The following WDR44 variants were observed in gnomAD, a reference collection of about 807,000 sequenced individuals.
WDR44 encodes the protein WD repeat domain 44.
Under a neutral mutation model 65.7 loss-of-function variants are expected in WDR44, and 9 were observed. The observed-to-expected ratio is 0.14, with a 90% confidence interval of 0.08 to 0.24. The LOEUF (loss-of-function observed/expected upper bound fraction) is 0.24. WDR44 is among the 10% of genes least tolerant of loss of function. The pLI, the probability that WDR44 is intolerant of heterozygous loss-of-function variation, is 1.00. For missense variants in WDR44, 425 were observed against 670.9 expected, an observed-to-expected ratio of 0.63 and a Z score of 4.05; for synonymous variants, 220 against 235.2, an observed-to-expected ratio of 0.94 and a Z score of 0.59.
At chrX:118,439,838 G>T (rs2057288413) in intron 14 of WDR44, among the ~76,000 whole-genome samples, 2 of 109,184 alleles carry the variant, frequency 1.8e-5, no homozygotes, top group Non-Finnish European at 3.8e-5. Flanking sequence ...GAAGAATCTT[G>T]GCTGGGTATG....
intron 12 of WDR44, among the ~76,000 whole-genome samples, chrX:118,415,237 C>T (rs958133996): frequency 8.9e-6 from 1 of 111,820 alleles, no homozygotes; most frequent in African/African-American, 3.3e-5. Context: ...CCCACTTGAA[C>T]TGGGTGGATT....
intron 2 of WDR44, among the ~76,000 whole-genome samples, chrX:118,380,540 T>C (rs759335422): frequency 3.9e-4 from 44 of 111,935 alleles, no homozygotes; most frequent in African/African-American, 1.3e-3. Context: ...GTATCAATGG[T>C]TTGTTTCTTT....
intron 12 of WDR44, among the ~76,000 whole-genome samples, chrX:118,431,546 G>C (rs906939667): frequency 3.6e-5 from 4 of 111,297 alleles, no homozygotes; most frequent in Non-Finnish European, 7.5e-5. Flanking sequence ...CAGGTGATCT[G>C]CCTGTCTCGG....
intron 1 of WDR44, among the ~76,000 whole-genome samples, chrX:118,371,173 A>G (rs766098841): frequency 1.8e-5 from 2 of 111,996 alleles, no homozygotes; most frequent in African/African-American, 6.5e-5. Context: ...CCTAGAAGAC[A>G]TTATGTTAAG....
chrX:118,350,388 G>T lies in WDR44; in HGVS notation c.77+3808G>T, dbSNP rs187326787. The stretch of plus-strand genomic sequence containing the variant: ...TCTTTTGATAGAGCAGGAAAGAGAA[G>T]AGGAATCGTGTGGTACACTAGAAAA... On this transcript the variant is annotated intron_variant, in intron 1 of 19. Transcript: ENST00000254029. Among the ~76,000 whole-genome samples, 9 of 111,709 alleles carry T rather than the reference G, an allele frequency of 8.1e-5. No homozygotes were observed. In the East Asian group the frequency reaches 2.3e-3, roughly 28 times the overall value.
intron 19 of WDR44, among the ~76,000 whole-genome samples, chrX:118,445,647 G>A (rs968495141): frequency 8.9e-6 from 1 of 112,369 alleles, no homozygotes; most frequent in African/African-American, 3.2e-5. Flanking sequence ...TATGCTTTGA[G>A]AATGAATATT....
intron 1 of WDR44, among the ~76,000 whole-genome samples, chrX:118,351,229 G>C (rs1764181161): frequency 8.9e-6 from 1 of 112,189 alleles, no homozygotes; most frequent in Non-Finnish European, 1.9e-5. Flanking sequence ...TAGGCATTTA[G>C]TTAGTATTAA....
At position 118,406,276 on chromosome X, in the gene WDR44, T is replaced by C. The variant is rs971987091; in HGVS notation, c.1382-599T>C. ...CTGGGGAATAACTGTATTTTCAAAATTAGGTAGGGCTGGGTATGATGGCTC... is the reference window on the plus strand; with the variant it reads ...CTGGGGAATAACTGTATTTTCAAAACTAGGTAGGGCTGGGTATGATGGCTC... On this transcript the variant is annotated intron_variant, in intron 9 of 19. Coordinates refer to ENST00000254029, the MANE Select transcript of WDR44 (RefSeq NM_019045.5). Among the ~76,000 whole-genome samples, 14 of 111,244 alleles carry C rather than the reference T, an allele frequency of 1.3e-4. No individual in the cohort carries two copies. The Admixed American group carries it at 1.4e-3, about 11-fold the overall frequency.
intron 1 of WDR44, among the ~76,000 whole-genome samples, chrX:118,373,596 G>A (rs2056632828): frequency 9.0e-6 from 1 of 111,534 alleles, no homozygotes; most frequent in Admixed American, 9.6e-5. Flanking sequence ...AGCGTTAATT[G>A]CCTTTACTTT....
chrX:118,346,205 A>T lies in WDR44; in HGVS notation c.-299A>T, dbSNP rs772071683. On this transcript the variant is annotated 5_prime_UTR_variant, in exon 1 of 20. Transcript: ENST00000254029. ...GGCGCGCCCTTCTTCCCTTACTGCG[A>T]GGAGCCACCGCCTCTTTCGCGCTCC... is the stretch of plus-strand genomic sequence containing the variant. 7 of 308,465 alleles carry T rather than the reference A, an allele frequency of 2.3e-5. No homozygotes were observed. Among genetic ancestry groups the T allele is most frequent in the Non-Finnish European group, 3.9e-5 (7 of 177,639 alleles). 25.4% of individuals were successfully genotyped at this position (308,465 alleles called of 1,213,427 possible).
In WDR44 at chrX:118,417,986, C is replaced by G. The variant is rs186952264; in HGVS notation, c.1737+7027C>G. ...TGTTCAATTCTATTGCTGAGACTTT[C>G]CAGAGCATTTTTCATTTCTATAAGT... On this transcript the variant is annotated intron_variant, in intron 12 of 19. Coordinates refer to ENST00000254029, the MANE Select transcript of WDR44 (RefSeq NM_019045.5). Among the ~76,000 whole-genome samples, 12 of 111,497 alleles carry G rather than the reference C, an allele frequency of 1.1e-4. No individual in the cohort carries two copies. The East Asian group carries it at 3.4e-3, about 31-fold the overall frequency.
chrX:118,407,159 A>G, intron 10 of WDR44, 133 bp downstream of exon 10: 2 of 608,472 alleles, frequency 3.3e-6, no homozygotes, highest in Non-Finnish European at 5.0e-6. Flanking sequence ...TTATGTTAAC[A>G]TGATTTAATG....
At chrX:118,400,006 T>C (rs2056897456) in intron 8 of WDR44, among the ~76,000 whole-genome samples, 1 of 110,437 alleles carries the variant, frequency 9.1e-6, no homozygotes, top group African/African-American at 3.3e-5. Context: ...GAGAATTGCT[T>C]GAGCCTGAGG....
chrX:118,385,970 G>GT lies in WDR44; in HGVS notation c.112-1369dup, dbSNP rs1462045702. Reference sequence around the variant, plus strand: ...TTTTTTTTTTTCTAGAAGAATCTGTGTAAGATTGGTAGTATTCTCCAAATT... The same window carrying GT: ...TTTTTTTTTTTCTAGAAGAATCTGTGTTAAGATTGGTAGTATTCTCCAAATT... On this transcript the variant is annotated intron_variant, in intron 2 of 19. Coordinates refer to ENST00000254029, the MANE Select transcript of WDR44 (RefSeq NM_019045.5). 4.5e-5 allele frequency among the ~76,000 whole-genome samples: 5 copies of GT among 110,953 alleles called. No homozygotes were observed. In the East Asian group the frequency reaches 1.4e-3, roughly 31 times the overall value.
chrX:118,392,258 G>A (rs1310730313), intron 3 of WDR44, among the ~76,000 whole-genome samples: 1 of 111,868 alleles, frequency 8.9e-6, no homozygotes, highest in Non-Finnish European at 1.9e-5. Flanking sequence ...AATGAATCAG[G>A]ATATTGAGTC....
chrX:118,441,646 CTT>C, intron 15 of WDR44, 87 bp downstream of exon 15: 1 of 772,813 alleles, frequency 1.3e-6, no homozygotes, highest in Non-Finnish European at 1.8e-6. Context: ...CCCCTCTGGG[CTT>C]TAACTGCATT....
At chrX:118,369,365 G>T (rs944041266) in intron 1 of WDR44, among the ~76,000 whole-genome samples, 5 of 106,942 alleles carry the variant, frequency 4.7e-5, no homozygotes, top group African/African-American at 1.7e-4. Flanking sequence ...TAGAGACGGG[G>T]TTTCACTGTG....
intron 1 of WDR44, among the ~76,000 whole-genome samples, chrX:118,372,868 C>T (rs190831288): frequency 8.0e-5 from 9 of 111,902 alleles, no homozygotes; most frequent in South Asian, 3.7e-4. Context: ...GAGGGCGGAT[C>T]GTCTGAGGTC....
chrX:118,430,627 G>A (rs1751950612), intron 12 of WDR44, among the ~76,000 whole-genome samples: 1 of 110,626 alleles, frequency 9.0e-6, no homozygotes, highest in African/African-American at 3.3e-5. Context: ...ATCACCTGAG[G>A]TCAGGAGTTC....
Sources: gnomAD v4.1 joint callset for allele counts (sites outside exome capture counted in the v4.1 genomes callset) on GRCh38, gnomAD v4.1.1 for gene constraint, MANE v1.5 for transcripts, NCBI Gene and HGNC (gene_info 2026-07-23, HGNC 2026-07-21) for gene names.